PAWR: variants seen among roughly 807,000 people sequenced by gnomAD.
PAWR encodes PRKC apoptosis WT1 regulator protein.
PAWR carries 23 observed loss-of-function variants against 32.0 expected under a neutral mutation model. The observed-to-expected ratio is 0.72, with a 90% CI of 0.52 to 1.02. PAWR has a LOEUF of 1.02. PAWR is among the 50% of genes least tolerant of loss of function. PAWR has a pLI of 0.00. For synonymous variants in PAWR, 226 were observed against 187.1 expected, an observed-to-expected ratio of 1.21 and a Z score of -1.70; for missense variants, 457 against 437.7, an observed-to-expected ratio of 1.04 and a Z score of -0.39.
intron 4 of PAWR, chr12:79,597,993 C>A (rs1873826278): frequency 6.6e-6 from 1 of 152,238 alleles, no homozygotes; most frequent in South Asian, 2.1e-4. Flanking sequence ...TGACTGATGA[C>A]AACAGCCTCA....
At chr12:79,644,687 A>T (rs1158046109) in intron 2 of PAWR, among the ~76,000 whole-genome samples, 2 of 152,176 alleles carry the variant, frequency 1.3e-5, no homozygotes, top group African/African-American at 4.8e-5. Flanking sequence ...TTTCACATAA[A>T]GTAAAACTAA....
chr12:79,600,289 T>G (rs1873909097), intron 4 of PAWR, among the ~76,000 whole-genome samples: 1 of 152,208 alleles, frequency 6.6e-6, no homozygotes, highest in Non-Finnish European at 1.5e-5. Context: ...TTGTCATCAG[T>G]AAATCTGACT....
chr12:79,597,226 A>C (rs1429334399), intron 4 of PAWR: 1 of 151,946 alleles, frequency 6.6e-6, no homozygotes, highest in East Asian at 1.9e-4. Flanking sequence ...CACCGGGCAA[A>C]TTATTTTGTA....
chr12:79,610,752 TACCAAAA>T lies in PAWR; in HGVS notation c.683+2816_683+2822del, dbSNP rs1874396429. On this transcript the variant is annotated intron_variant, in intron 4 of 6. Transcript: ENST00000328827. ...GGGCAACATAGAGAGATTCTGTCTC[TACCAAAA>T]ATTAAAAAAAAAAAAAAGAAAAAGA... 2.2e-5 allele frequency among the ~76,000 whole-genome samples: 3 copies of T among 138,444 alleles called. No individual in the cohort carries two copies. The South Asian group carries it at 6.7e-4, about 31-fold the overall frequency. 90.8% of individuals were successfully genotyped at this position (138,444 alleles called of 152,430 possible). A position where few individuals can be genotyped will look rare whatever the true frequency, so the allele number is the denominator to read the frequency against.
At chr12:79,616,193 A>T (rs11831014) in intron 3 of PAWR, among the ~76,000 whole-genome samples, 4,655 of 152,188 alleles carry the variant, frequency 0.031, 238 homozygotes, top group African/African-American at 0.1. Flanking sequence ...ATGATGTCTG[A>T]CTACACATGC....
chr12:79,676,746 T>A (rs1399185918), intron 2 of PAWR, among the ~76,000 whole-genome samples: 1 of 151,684 alleles, frequency 6.6e-6, no homozygotes, highest in African/African-American at 2.4e-5. Flanking sequence ...TTTCCTAACA[T>A]AAGCCCTCTA....
At chr12:79,657,484 G>A (rs1255529692) in intron 2 of PAWR, among the ~76,000 whole-genome samples, 3 of 151,988 alleles carry the variant, frequency 2.0e-5, no homozygotes, top group African/African-American at 4.8e-5. Context: ...TGAGATTGCT[G>A]AGAAATCCTA....
At chr12:79,624,149 A>T (rs998857328) in intron 2 of PAWR, among the ~76,000 whole-genome samples, 2 of 152,164 alleles carry the variant, frequency 1.3e-5, no homozygotes, top group Non-Finnish European at 2.9e-5. Flanking sequence ...TTCTTAAATT[A>T]TCATAGATTA....
At chr12:79,641,399 T>C (rs1166564428) in intron 2 of PAWR, among the ~76,000 whole-genome samples, 3 of 152,208 alleles carry the variant, frequency 2.0e-5, no homozygotes, top group Admixed American at 6.5e-5. Flanking sequence ...GGAGCTGTGA[T>C]ATGAACTCAA....
chr12:79,647,852 A>G lies in PAWR; in HGVS notation c.517-26645T>C, dbSNP rs141422600. On this transcript the variant is annotated intron_variant, in intron 2 of 6. Coordinates refer to ENST00000328827, the MANE Select transcript of PAWR (RefSeq NM_002583.4). ...TAGTTTTCTAACACAGCGGTCCCCA[A>G]TCTTTTTGGTACCAGGCACTGGTGC... Among the ~76,000 whole-genome samples the G allele has an allele frequency of 3.3e-4, 51 of 152,352 alleles. 1 individual carries two copies. Among genetic ancestry groups the G allele is most frequent in the African/African-American group, 1.0e-3 (43 of 41,584 alleles).
At chr12:79,620,546 G>A (rs1219606858) in intron 3 of PAWR, among the ~76,000 whole-genome samples, 1 of 152,176 alleles carries the variant, frequency 6.6e-6, no homozygotes, top group Non-Finnish European at 1.5e-5. Context: ...GTGAGGCAAG[G>A]TCAGAAAGGG....
At chr12:79,645,615 C>G (rs1389053321) in intron 2 of PAWR, among the ~76,000 whole-genome samples, 2 of 152,214 alleles carry the variant, frequency 1.3e-5, no homozygotes, top group African/African-American at 4.8e-5. Context: ...CTGTTCTCAT[C>G]TGGGCCTGTA....
rs1353554337 is a variant in PAWR at position 79,690,135 on chromosome 12, G to A, written c.110C>T (p.Pro37Leu). 1.3e-6 allele frequency: 2 copies of A among 1,514,562 alleles called. No individual in the cohort carries two copies. The highest frequency in any genetic ancestry group is 1.8e-6 in the Non-Finnish European group (2 of 1,133,798). 93.8% of individuals were successfully genotyped at this position (1,514,562 alleles called of 1,614,324 possible). A position where few individuals can be genotyped will look rare whatever the true frequency, so the allele number is the denominator to read the frequency against. The change falls in exon 2 of 7, where the codon CCG becomes CTG. Residue 37 changes from proline to leucine, a missense_variant. By Grantham distance (98) the Pro-to-Leu change is moderately conservative. Coordinates refer to ENST00000328827, the MANE Select transcript of PAWR (RefSeq NM_002583.4). Reference protein sequence around the residue: ...REKMRAKQNPPGPAPPGGGSS... With the variant: ...REKMRAKQNPLGPAPPGGGSS... ...GCCCCCTCCCGGGGGGGCCGGGCCC[G>A]GGGGGTTCTGCTTGGCGCGCATCTT...
At chr12:79,618,483 A>C (rs1035133328) in intron 3 of PAWR, among the ~76,000 whole-genome samples, 1 of 152,184 alleles carries the variant, frequency 6.6e-6, no homozygotes, top group East Asian at 1.9e-4. Context: ...ATTTTGAAAT[A>C]TACATTATTA....
chr12:79,620,821 C>T (rs910140951), intron 3 of PAWR, among the ~76,000 whole-genome samples: 1 of 152,016 alleles, frequency 6.6e-6, no homozygotes, highest in Non-Finnish European at 1.5e-5. Context: ...ATGAGTTCTC[C>T]GAGTCTCAGC....
intron 2 of PAWR, among the ~76,000 whole-genome samples, chr12:79,675,600 T>C (rs1878125471): frequency 6.6e-6 from 1 of 152,060 alleles, no homozygotes; most frequent in South Asian, 2.1e-4. Flanking sequence ...TAGATGGAGC[T>C]AGAGGCCATT....
chr12:79,618,166 T>C (rs1366592573), intron 3 of PAWR, among the ~76,000 whole-genome samples: 2 of 152,158 alleles, frequency 1.3e-5, no homozygotes, highest in Admixed American at 6.5e-5. Context: ...AGTCTCGCTG[T>C]CACCCAGGCT....
intron 2 of PAWR, among the ~76,000 whole-genome samples, chr12:79,660,267 G>A (rs972782623): frequency 6.6e-6 from 1 of 152,152 alleles, no homozygotes. Flanking sequence ...CTTTTTCCTA[G>A]GGCAATCTTC....
At chr12:79,635,408 G>A (rs1306883570) in intron 2 of PAWR, 2 of 152,014 alleles carry the variant, frequency 1.3e-5, no homozygotes, top group Non-Finnish European at 2.9e-5. Context: ...GCAGAAACCT[G>A]GAATGCTACC....
Sources: allele counts gnomAD v4.1 joint callset (sites outside exome capture counted in the v4.1 genomes callset), GRCh38; gene constraint gnomAD v4.1.1; transcripts MANE v1.5; gene names NCBI Gene and HGNC (gene_info 2026-07-23, HGNC 2026-07-21).